Variants in GALNT7 observed in about 807,000 individuals in gnomAD.
The protein encoded by GALNT7 is N-acetylgalactosaminyltransferase 7.
GALNT7 carries 60 observed loss-of-function variants against 82.1 expected under a neutral mutation model. The ratio of observed to expected loss-of-function variants is 0.73; its 90% CI spans 0.59 to 0.91. The LOEUF is 0.91. GALNT7 is among the 40% of genes least tolerant of loss of function. The probability of loss-of-function intolerance (pLI) is 0.00; values close to 1 mark genes in which losing one functional copy is unlikely to be tolerated. For missense variants in GALNT7, 660 were observed against 804.2 expected (o/e 0.82, Z 2.17); for synonymous variants, 243 against 275.1 (o/e 0.88, Z 1.15).
In GALNT7 at chr4:173,302,236, T is replaced by C. The variant is rs1468587527; in HGVS notation, c.1266+72T>C. 4 of 780,414 alleles carry C rather than the reference T, an allele frequency of 5.1e-6. No individual in the cohort carries two copies. Among genetic ancestry groups the C allele is most frequent in the Non-Finnish European group, 6.9e-6 (3 of 436,718 alleles). 48.3% of individuals were successfully genotyped at this position (780,414 alleles called of 1,614,324 possible). ...TTCTGTGGCTTTCAGATAAAGCTAG[T>C]TTTTTGTGGGGGAAAAAAGCCCACA... On this transcript the variant is annotated intron_variant, in intron 7 of 11. Coordinates refer to ENST00000265000, the MANE Select transcript of GALNT7 (RefSeq NM_017423.3). The surrounding 1 kb of genome is among the most constrained non-coding windows in gnomAD (Gnocchi z 4.2).
At chr4:173,210,804 GTTAAATA>G (rs1733256499) in intron 1 of GALNT7, among the ~76,000 whole-genome samples, 1 of 152,108 alleles carries the variant, frequency 6.6e-6, no homozygotes, top group Non-Finnish European at 1.5e-5. Context: ...AAATTAAAAT[GTTAAATA>G]TTAAATATCT....
At chr4:173,229,198 C>A (rs1282482871) in intron 1 of GALNT7, among the ~76,000 whole-genome samples, 11 of 152,136 alleles carry the variant, frequency 7.2e-5, no homozygotes, top group Non-Finnish European at 1.6e-4. Flanking sequence ...ATGAGTATAT[C>A]ATTTCCTGCA....
intron 2 of GALNT7, among the ~76,000 whole-genome samples, chr4:173,280,948 G>A (rs1736089455): frequency 6.6e-6 from 1 of 152,200 alleles, no homozygotes; most frequent in Admixed American, 6.5e-5. Context: ...TCAGGTTGAC[G>A]GTGGCAAATG....
intron 1 of GALNT7, among the ~76,000 whole-genome samples, chr4:173,199,133 G>A (rs554153493): frequency 1.0e-3 from 157 of 152,190 alleles, no homozygotes; most frequent in Non-Finnish European, 1.9e-3. Context: ...TCTTTTTCGA[G>A]CATTATGTGC....
chr4:173,227,149 C>T (rs1387704004), intron 1 of GALNT7, among the ~76,000 whole-genome samples: 1 of 152,014 alleles, frequency 6.6e-6, no homozygotes, highest in Non-Finnish European at 1.5e-5. Flanking sequence ...TGTATATCTA[C>T]CACTTTGGAG....
At chr4:173,240,013 C>A (rs181301121) in intron 1 of GALNT7, among the ~76,000 whole-genome samples, 2 of 152,164 alleles carry the variant, frequency 1.3e-5, no homozygotes, top group African/African-American at 4.8e-5. Flanking sequence ...TATACCTAAT[C>A]ACTGGAATAA....
chr4:173,249,552 G>A (rs1199489104), intron 2 of GALNT7, among the ~76,000 whole-genome samples: 2 of 152,198 alleles, frequency 1.3e-5, no homozygotes, highest in South Asian at 4.1e-4. Context: ...TCCCAGGGCT[G>A]TGAAGGAAGA....
At chr4:173,288,215 G>A (rs936646607) in intron 2 of GALNT7, among the ~76,000 whole-genome samples, 26 of 145,548 alleles carry the variant, frequency 1.8e-4, no homozygotes, top group African/African-American at 6.5e-4. Context: ...CCCGGGAGGC[G>A]GAGCTTGCAG....
chr4:173,182,312 TA>T (rs1198519521), intron 1 of GALNT7, among the ~76,000 whole-genome samples: 1 of 152,208 alleles, frequency 6.6e-6, no homozygotes, highest in Non-Finnish European at 1.5e-5. Flanking sequence ...TTAGAAAACT[TA>T]AGGTAAGAGC....
intron 2 of GALNT7, among the ~76,000 whole-genome samples, chr4:173,285,309 A>G (rs763048697): frequency 2.2e-4 from 33 of 152,208 alleles, no homozygotes; most frequent in Non-Finnish European, 4.7e-4. Flanking sequence ...AAAGCCTGGT[A>G]AGTTGTTTTA....
rs966308331 is a variant in GALNT7, at chr4:173,320,869, C to T, written c.1837-711C>T. Among the ~76,000 whole-genome samples, 7 of 151,974 alleles carry T rather than the reference C, an allele frequency of 4.6e-5. No individual in the cohort carries two copies. The highest frequency in any genetic ancestry group is 9.7e-5 in the African/African-American group (4 of 41,376). Reference sequence around the variant, plus strand: ...CATCAGTGACATCCTTAAGTGAAACCGGCATTTACTTTTCAACTGTGTGTG... The same window carrying T: ...CATCAGTGACATCCTTAAGTGAAACTGGCATTTACTTTTCAACTGTGTGTG... On this transcript the variant is annotated intron_variant, in intron 11 of 11. Transcript: ENST00000265000. This position sits in a 1 kb window ranked among gnomAD's most constrained non-coding sequence, Gnocchi z 4.1.
At chr4:173,171,078 A>G (rs1177193787) in intron 1 of GALNT7, among the ~76,000 whole-genome samples, 1 of 152,242 alleles carries the variant, frequency 6.6e-6, no homozygotes, top group Admixed American at 6.5e-5. Flanking sequence ...ATTAAGAGGA[A>G]TGCTTAGGTA....
chr4:173,169,069 C>T (rs1347670198), intron 1 of GALNT7, 108 bp downstream of exon 1: 7 of 1,056,198 alleles, frequency 6.6e-6, no homozygotes, highest in Admixed American at 5.2e-5. Flanking sequence ...GCGTGGGCAC[C>T]GCAGCTCCGC....
chr4:173,252,185 G>A (rs182849071), intron 2 of GALNT7, among the ~76,000 whole-genome samples: 1 of 152,266 alleles, frequency 6.6e-6, no homozygotes, highest in Admixed American at 6.5e-5. Flanking sequence ...GCAACATATT[G>A]AAAACATATC....
chr4:173,275,319 C>A (rs1579980213), intron 2 of GALNT7, among the ~76,000 whole-genome samples: 1 of 152,272 alleles, frequency 6.6e-6, no homozygotes, highest in East Asian at 1.9e-4. Flanking sequence ...TCTAACCGTA[C>A]CGTTACTGTG....
At chr4:173,222,128 C>T (rs899487371) in intron 1 of GALNT7, among the ~76,000 whole-genome samples, 4 of 152,126 alleles carry the variant, frequency 2.6e-5, no homozygotes, top group Admixed American at 6.5e-5. Flanking sequence ...ATGGTATCAG[C>T]GCGTGCTTGG....
intron 1 of GALNT7, among the ~76,000 whole-genome samples, chr4:173,238,802 A>G (rs1252585622): frequency 6.6e-6 from 1 of 152,248 alleles, no homozygotes; most frequent in Admixed American, 6.5e-5. Flanking sequence ...CATAGATTTT[A>G]TAAATATTTT....
At chr4:173,315,535 G>C (rs1561202122) in intron 9 of GALNT7, among the ~76,000 whole-genome samples, 1 of 152,160 alleles carries the variant, frequency 6.6e-6, no homozygotes, top group African/African-American at 2.4e-5. Flanking sequence ...AACACAGATA[G>C]AGAAGAGAAG....
chr4:173,172,093 T>C (rs1731894638), intron 1 of GALNT7, among the ~76,000 whole-genome samples: 1 of 152,178 alleles, frequency 6.6e-6, no homozygotes, highest in African/African-American at 2.4e-5. Context: ...ATTAAAAAGC[T>C]TTAGAGCAGG....
Sources: gnomAD v4.1 joint callset for allele counts (sites outside exome capture counted in the v4.1 genomes callset) on GRCh38, gnomAD v4.1.1 for gene constraint, Gnocchi (gnomAD v3.1) non-coding constraint, MANE v1.5 for transcripts, NCBI Gene and HGNC (gene_info 2026-07-23, HGNC 2026-07-21) for gene names.